The following RBM20 variants were observed in gnomAD, a reference collection of about 807,000 sequenced individuals.
RBM20 encodes RNA-binding protein 20.
Under a neutral mutation model 110.1 loss-of-function variants are expected in RBM20, and 51 were observed. The ratio of observed to expected loss-of-function variants is 0.46; its 90% CI spans 0.37 to 0.59. The LOEUF (loss-of-function observed/expected upper bound fraction) is 0.59, where lower values mean the gene tolerates loss of function less well. Ranked by LOEUF, RBM20 falls within the 20% of genes least tolerant of loss-of-function variation. The pLI, the probability that RBM20 is intolerant of heterozygous loss-of-function variation, is 0.00. For missense variants in RBM20, 1,512 were observed against 1,574.9 expected (o/e 0.96, Z 0.68); for synonymous variants, 589 against 618.2 (o/e 0.95, Z 0.70).
intron 1 of RBM20, among the ~76,000 whole-genome samples, chr10:110,707,890 G>A (rs752143825): frequency 2.6e-5 from 4 of 152,174 alleles, no homozygotes; most frequent in Non-Finnish European, 4.4e-5. Flanking sequence ...AAAATAACCA[G>A]AAGAGTGGAA....
chr10:110,706,698 G>A (rs1033008810), intron 1 of RBM20, among the ~76,000 whole-genome samples: 4 of 152,154 alleles, frequency 2.6e-5, no homozygotes, highest in African/African-American at 4.8e-5. Flanking sequence ...AAAACCAATG[G>A]CGATTCTCCT....
At chr10:110,748,502 G>A (rs989703374) in intron 1 of RBM20, among the ~76,000 whole-genome samples, 3 of 152,166 alleles carry the variant, frequency 2.0e-5, no homozygotes, top group Non-Finnish European at 4.4e-5. Flanking sequence ...AAGGGCTACC[G>A]AGGCCTGGAT....
At position 110,745,834 on chromosome 10, in the gene RBM20, A is replaced by C. The variant is rs148441049; in HGVS notation, c.192-34967A>C. 2.6e-3 allele frequency among the ~76,000 whole-genome samples: 391 copies of C among 152,364 alleles called. 2 individuals are homozygous for C. The highest frequency in any genetic ancestry group is 8.5e-3 in the African/African-American group (355 of 41,584). On this transcript the variant is annotated intron_variant, in intron 1 of 13. Coordinates refer to ENST00000369519, the MANE Select transcript of RBM20 (RefSeq NM_001134363.3). Reference sequence around the variant, plus strand: ...AAAATGCATGCAACAAGCAAGGTTTACCATATGGAAATAGCGATGTATGCC... The same window carrying C: ...AAAATGCATGCAACAAGCAAGGTTTCCCATATGGAAATAGCGATGTATGCC...
At chr10:110,740,565 C>T (rs1843714451) in intron 1 of RBM20, among the ~76,000 whole-genome samples, 1 of 152,006 alleles carries the variant, frequency 6.6e-6, no homozygotes, top group South Asian at 2.1e-4. Flanking sequence ...AGAGATGGAG[C>T]CCCTTCTCTC....
chr10:110,716,885 C>G (rs1280504319), intron 1 of RBM20, among the ~76,000 whole-genome samples: 2 of 150,080 alleles, frequency 1.3e-5, no homozygotes, highest in East Asian at 3.9e-4. Context: ...CCCCTGCACT[C>G]CCGCCTCAGT....
chr10:110,730,064 C>A (rs542976594), intron 1 of RBM20, among the ~76,000 whole-genome samples: 1 of 152,144 alleles, frequency 6.6e-6, no homozygotes, highest in South Asian at 2.1e-4. Flanking sequence ...GTGATCCACC[C>A]GCCTTGACCT....
chr10:110,732,773 T>A (rs1449210911), intron 1 of RBM20, among the ~76,000 whole-genome samples: 1 of 152,196 alleles, frequency 6.6e-6, no homozygotes, highest in African/African-American at 2.4e-5. Flanking sequence ...CTTGGTCTCC[T>A]GAGTCTAGAA....
chr10:110,783,417 T>G lies in RBM20; in HGVS notation c.1327T>G (p.Phe443Val). Residue 443 changes from phenylalanine to valine, a missense_variant, in exon 3 of 14, where the codon TTC becomes GTC. By Grantham distance (50) the Phe-to-Val change is conservative. Around this residue, in one of 3 missense-constraint regions of RBM20, gnomAD observed 1,149 missense variants for 1,169.4 expected, o/e 0.98. Coordinates refer to ENST00000369519, the MANE Select transcript of RBM20 (RefSeq NM_001134363.3). Reference sequence around the variant, plus strand: ...GCTGCACGCTCAGAAATGCCTGGTCTTCTCTGAAAAGTAAGTGCTGTTCAG... The same window carrying G: ...GCTGCACGCTCAGAAATGCCTGGTCGTCTCTGAAAAGTAAGTGCTGTTCAG... ...GKLHAQKCLV[F>V]SENAGIRCIL... 1 of 1,550,992 alleles carries G rather than the reference T, an allele frequency of 6.4e-7. No individual in the cohort carries two copies. The highest frequency in any genetic ancestry group is 2.4e-5 in the East Asian group (1 of 40,904).
At chr10:110,816,127 C>T (rs1430973489) in intron 9 of RBM20, among the ~76,000 whole-genome samples, 3 of 152,120 alleles carry the variant, frequency 2.0e-5, no homozygotes, top group Non-Finnish European at 4.4e-5. Flanking sequence ...GCCCTCAGCG[C>T]CTTTACAGGT....
At chr10:110,808,891 G>T (rs1248982019) in intron 7 of RBM20, among the ~76,000 whole-genome samples, 3 of 152,040 alleles carry the variant, frequency 2.0e-5, no homozygotes, top group African/African-American at 7.3e-5. Flanking sequence ...AATGAGATAC[G>T]TGATGCTTTT....
rs531215928 is a variant in RBM20, at chr10:110,711,647, C to T, written c.191+67002C>T. On this transcript the variant is annotated intron_variant, in intron 1 of 13. Transcript: ENST00000369519. ...CCAGATGGGGTAGTTATGTAAAAAA[C>T]GAAGGCATTCTATGTTTGTACTCTG... Among the ~76,000 whole-genome samples, 8 of 152,338 alleles carry T rather than the reference C, an allele frequency of 5.3e-5. No homozygotes were observed. In the South Asian group the frequency reaches 1.7e-3, roughly 32 times the overall value.
chr10:110,828,661 T>C (rs570225339), intron 12 of RBM20, among the ~76,000 whole-genome samples: 86 of 140,766 alleles, frequency 6.1e-4, no homozygotes, highest in African/African-American at 2.1e-3. Context: ...AAACATCACT[T>C]ACAGCACTAT....
chr10:110,656,038 C>T (rs764336482), intron 1 of RBM20, among the ~76,000 whole-genome samples: 5 of 152,054 alleles, frequency 3.3e-5, no homozygotes, highest in Admixed American at 6.6e-5. Flanking sequence ...TGGTGGCTCA[C>T]GCCTATAATC....
chr10:110,803,953 C>A (rs1038579555), intron 7 of RBM20, among the ~76,000 whole-genome samples: 1 of 151,838 alleles, frequency 6.6e-6, no homozygotes, highest in Non-Finnish European at 1.5e-5. Context: ...ACGCTGCCTT[C>A]TGCTCTTTTG....
chr10:110,729,898 C>G (rs2134949336), intron 1 of RBM20, among the ~76,000 whole-genome samples: 1 of 152,350 alleles, frequency 6.6e-6, no homozygotes, highest in Middle Eastern at 3.4e-3. Context: ...TCACTGCGAC[C>G]TACGCCTCCC....
chr10:110,828,645 T>C (rs1845011360), intron 12 of RBM20, among the ~76,000 whole-genome samples: 1 of 149,260 alleles, frequency 6.7e-6, no homozygotes, highest in Non-Finnish European at 1.5e-5. Context: ...GATAGGTGAT[T>C]CCCCTAAACA....
At chr10:110,800,498 T>C (rs1254665132) in intron 7 of RBM20, among the ~76,000 whole-genome samples, 6 of 152,206 alleles carry the variant, frequency 3.9e-5, no homozygotes, top group Non-Finnish European at 4.4e-5. Context: ...TTGTGAAGTA[T>C]AACAGAACAC....
intron 1 of RBM20, among the ~76,000 whole-genome samples, chr10:110,704,687 G>T (rs1380656455): frequency 6.6e-6 from 1 of 152,162 alleles, no homozygotes; most frequent in African/African-American, 2.4e-5. Context: ...TAAGACATGT[G>T]TCATCTTAGC....
At chr10:110,680,645 G>A (rs1363298354) in intron 1 of RBM20, among the ~76,000 whole-genome samples, 3 of 152,200 alleles carry the variant, frequency 2.0e-5, no homozygotes, top group Non-Finnish European at 4.4e-5. Context: ...GCGCTGTCAC[G>A]CAATGCGTGT....
Sources: gnomAD v4.1 joint callset for allele counts (sites outside exome capture counted in the v4.1 genomes callset) on GRCh38, gnomAD v4.1.1 for gene constraint, gnomAD v4.1.1 regional missense constraint, MANE v1.5 for transcripts, NCBI Gene and HGNC (gene_info 2026-07-23, HGNC 2026-07-21) for gene names.